The following TMEM117 variants were observed in gnomAD, a reference collection of about 807,000 sequenced individuals.
TMEM117 encodes the protein transmembrane protein 117.
In TMEM117, 27 loss-of-function variants were observed where a neutral mutation model predicts 52.4. The observed-to-expected ratio is 0.51, with a 90% CI of 0.38 to 0.71. TMEM117 has a LOEUF of 0.71. Among genes scored for constraint, TMEM117 ranks in the 30% least tolerant of loss-of-function variants. TMEM117 has a pLI of 0.00. For missense variants in TMEM117, 556 were observed against 630.5 expected (o/e 0.88, Z 1.26); for synonymous variants, 215 against 206.3 (o/e 1.04, Z -0.36).
intron 3 of TMEM117, among the ~76,000 whole-genome samples, chr12:44,089,427 C>CG (rs1421004422): frequency 4.6e-5 from 7 of 152,150 alleles, no homozygotes; most frequent in African/African-American, 1.7e-4. Flanking sequence ...GAGAAAGTCT[C>CG]TGTTTCTTCA....
chr12:44,144,718 G>C (rs1948617191), intron 4 of TMEM117, among the ~76,000 whole-genome samples: 1 of 152,166 alleles, frequency 6.6e-6, no homozygotes, highest in Admixed American at 6.5e-5. Flanking sequence ...TACCTCTGTT[G>C]ATTTTTAGAA....
intron 2 of TMEM117, among the ~76,000 whole-genome samples, chr12:43,936,495 T>C (rs1278885189): frequency 6.6e-6 from 1 of 152,058 alleles, no homozygotes; most frequent in Non-Finnish European, 1.5e-5. Flanking sequence ...ACTGGAGATA[T>C]GGGATGTTGA....
intron 3 of TMEM117, among the ~76,000 whole-genome samples, chr12:43,968,780 A>G (rs1289014304): frequency 1.3e-5 from 2 of 152,212 alleles, no homozygotes; most frequent in Non-Finnish European, 2.9e-5. Flanking sequence ...ACATTAATCT[A>G]GGAATAGTGG....
intron 2 of TMEM117, among the ~76,000 whole-genome samples, chr12:43,942,330 G>T (rs559495432): frequency 6.6e-6 from 1 of 151,998 alleles, no homozygotes; most frequent in African/African-American, 2.4e-5. Flanking sequence ...TGTAGCATGT[G>T]GTTTTACTCT....
At chr12:44,223,659 A>G (rs1565609788) in intron 5 of TMEM117, among the ~76,000 whole-genome samples, 1 of 152,152 alleles carries the variant, frequency 6.6e-6, no homozygotes, top group Non-Finnish European at 1.5e-5. Flanking sequence ...TTTAAACCAA[A>G]GCACCCTCTT....
intron 2 of TMEM117, among the ~76,000 whole-genome samples, chr12:43,929,006 TG>T (rs1171222972): frequency 6.6e-6 from 1 of 151,826 alleles, no homozygotes; most frequent in Non-Finnish European, 1.5e-5. Context: ...GTTGGACATT[TG>T]GGTTGGTTCC....
At chr12:43,959,615 C>T (rs1403494214) in intron 3 of TMEM117, among the ~76,000 whole-genome samples, 1 of 152,166 alleles carries the variant, frequency 6.6e-6, no homozygotes, top group Non-Finnish European at 1.5e-5. Flanking sequence ...GTGATTTTCA[C>T]TTCTTATTGC....
chr12:44,012,196 C>T (rs1041126620), intron 3 of TMEM117, among the ~76,000 whole-genome samples: 1 of 151,836 alleles, frequency 6.6e-6, no homozygotes, highest in African/African-American at 2.4e-5. Flanking sequence ...GTGTTTTTTT[C>T]CCTCTGGTTT....
At chr12:44,172,110 C>T (rs1256190156) in intron 4 of TMEM117, among the ~76,000 whole-genome samples, 4 of 152,166 alleles carry the variant, frequency 2.6e-5, no homozygotes, top group African/African-American at 7.2e-5. Context: ...ATGGATTTTA[C>T]GCTGGGGACA....
At chr12:44,152,616 CATA>C (rs896773607) in intron 4 of TMEM117, among the ~76,000 whole-genome samples, 11 of 116,760 alleles carry the variant, frequency 9.4e-5, no homozygotes, top group Admixed American at 2.0e-4. Flanking sequence ...TTTTTATATA[CATA>C]ATATTTATAT....
At chr12:44,254,646 C>A (rs868668081) in intron 5 of TMEM117, among the ~76,000 whole-genome samples, 3 of 150,148 alleles carry the variant, frequency 2.0e-5, no homozygotes, top group Non-Finnish European at 4.4e-5. Flanking sequence ...TAAGAAAGTA[C>A]CAGATATATA....
chr12:43,960,545 A>T (rs1464203209), intron 3 of TMEM117, among the ~76,000 whole-genome samples: 1 of 152,224 alleles, frequency 6.6e-6, no homozygotes, highest in Non-Finnish European at 1.5e-5. Context: ...AGTGAAAAAC[A>T]TAGTCAATGT....
At chr12:43,917,208 G>A (rs1944618909) in intron 2 of TMEM117, among the ~76,000 whole-genome samples, 1 of 143,676 alleles carries the variant, frequency 7.0e-6, no homozygotes, top group South Asian at 2.3e-4. Flanking sequence ...GCCTGGGCAA[G>A]ATAGTGAGAG....
rs568124467 is a variant in TMEM117 at position 44,050,000 on chromosome 12, T to G, written c.411-93525T>G. 3.9e-5 allele frequency among the ~76,000 whole-genome samples: 6 copies of G among 152,284 alleles called. No homozygotes were observed. In the East Asian group the frequency reaches 1.2e-3, roughly 29 times the overall value. ...AGTTAGTGTTTGATTCTGATTAGCC[T>G]GGGGGATCAAGGGACAGATAAGGCA... On this transcript the variant is annotated intron_variant, in intron 3 of 7. Coordinates refer to ENST00000266534, the MANE Select transcript of TMEM117 (RefSeq NM_032256.3).
chr12:44,238,726 G>C lies in TMEM117; in HGVS notation c.608+27339G>C, dbSNP rs142403033. ...AACGGGAATTCTTATAGCATGTAAA[G>C]ACAAAGGTATTTTTCTTTTACCCAT... On this transcript the variant is annotated intron_variant, in intron 5 of 7. Transcript: ENST00000266534. Among the ~76,000 whole-genome samples the C allele has an allele frequency of 8.2e-3, 1,241 of 152,248 alleles. 13 individuals are homozygous for C. The highest frequency in any genetic ancestry group is 0.028 in the African/African-American group (1,182 of 41,564).
chr12:43,901,634 G>A (rs987667182), intron 2 of TMEM117, among the ~76,000 whole-genome samples: 1 of 152,050 alleles, frequency 6.6e-6, no homozygotes, highest in African/African-American at 2.4e-5. Flanking sequence ...TTATTTACAT[G>A]TGTCATTTTC....
intron 3 of TMEM117, among the ~76,000 whole-genome samples, chr12:44,055,649 T>C (rs1280176414): frequency 6.6e-6 from 1 of 152,164 alleles, no homozygotes; most frequent in South Asian, 2.1e-4. Flanking sequence ...GGTAATAATA[T>C]CATTTTCTTA....
intron 2 of TMEM117, among the ~76,000 whole-genome samples, chr12:43,849,414 A>T (rs1417761504): frequency 6.6e-6 from 1 of 152,206 alleles, no homozygotes; most frequent in East Asian, 1.9e-4. Context: ...TAATGGTATT[A>T]ATTATAAACA....
chr12:43,893,585 T>TA (rs1472399063), intron 2 of TMEM117, among the ~76,000 whole-genome samples: 1 of 152,204 alleles, frequency 6.6e-6, no homozygotes, highest in African/African-American at 2.4e-5. Flanking sequence ...TGATTCATTA[T>TA]ATACTCAATT....
Sources: gnomAD v4.1 joint callset for allele counts (sites outside exome capture counted in the v4.1 genomes callset) on GRCh38, gnomAD v4.1.1 for gene constraint, MANE v1.5 for transcripts, NCBI Gene and HGNC (gene_info 2026-07-23, HGNC 2026-07-21) for gene names.